Variants in ATP8B1 observed in about 807,000 individuals in gnomAD.
ATP8B1 encodes the protein phospholipid-transporting ATPase IC.
Under a neutral mutation model 149.9 loss-of-function variants are expected in ATP8B1, and 80 were observed. The ratio of observed to expected loss-of-function variants is 0.53; its 90% CI spans 0.45 to 0.64. The LOEUF (loss-of-function observed/expected upper bound fraction) is 0.64, where lower values mean the gene tolerates loss of function less well. ATP8B1 is among the 30% of genes least tolerant of loss of function. The pLI is 0.00. For synonymous variants in ATP8B1, 536 were observed against 562.8 expected, an observed-to-expected ratio of 0.95 and a Z score of 0.67; for missense variants, 1,247 against 1,552.6, an observed-to-expected ratio of 0.80 and a Z score of 3.31.
At chr18:57,670,242 A>T (rs1349651884) in intron 17 of ATP8B1, among the ~76,000 whole-genome samples, 1 of 152,200 alleles carries the variant, frequency 6.6e-6, no homozygotes, top group Non-Finnish European at 1.5e-5. Context: ...CCAATTCTAA[A>T]ATACACAAGC....
chr18:57,675,385 C>A (rs2122754457), intron 15 of ATP8B1, among the ~76,000 whole-genome samples: 1 of 152,264 alleles, frequency 6.6e-6, no homozygotes, highest in Middle Eastern at 3.4e-3. Flanking sequence ...CATTTACATC[C>A]TGATTATTTT....
rs761784230 is a variant in ATP8B1 at position 57,697,807 on chromosome 18, AT to A, written c.614del (p.Asn205MetfsTer33). ...QVGDVIRLKK[N>X]DFVPADILLL... ...TTTGTTCACTTACTGGAACAAAATC[AT>A]TTTTTTTCAGACGAATGACGTCTCC... is the stretch of plus-strand genomic sequence containing the variant. On this transcript the variant is annotated frameshift_variant, in exon 7 of 28. Coordinates refer to ENST00000648908, the MANE Select transcript of ATP8B1 (RefSeq NM_001374385.1). LOFTEE classifies it high-confidence loss of function. The A allele has an allele frequency of 6.2e-7, 1 of 1,613,506 alleles. No homozygotes were observed. Among genetic ancestry groups the A allele is most frequent in the Non-Finnish European group, 8.5e-7 (1 of 1,179,630 alleles).
In ATP8B1 at chr18:57,789,296, G is replaced by A. The variant is rs915557673; in HGVS notation, c.-26+13702C>T. ...CATTTGGATCGATTTTCCAACCTTC[G>A]GCTGTGAGGTCTCGGAAAGAACCCT... On this transcript the variant is annotated intron_variant, in intron 1 of 27. Transcript: ENST00000648908. Among the ~76,000 whole-genome samples, 9 of 152,126 alleles carry A rather than the reference G, an allele frequency of 5.9e-5. 1 individual carries two copies. Among genetic ancestry groups the A allele is most frequent in the Admixed American group, 1.3e-4 (2 of 15,270 alleles).
At position 57,784,359 on chromosome 18, in the gene ATP8B1, AGT is replaced by A. The variant is rs2080386849; in HGVS notation, c.-26+18637_-26+18638del. Among the ~76,000 whole-genome samples, 1 of 152,182 alleles carries A rather than the reference AGT, an allele frequency of 6.6e-6. No homozygotes were observed. The highest frequency in any genetic ancestry group is 2.1e-4 in the South Asian group (1 of 4,828). Reference sequence around the variant, plus strand: ...TCTGGTTTGGAAGGGGCAGGGTAGAAGTGTAGCCCTCATGTAAGAAGGCTACT... The same window carrying A: ...TCTGGTTTGGAAGGGGCAGGGTAGAAGTAGCCCTCATGTAAGAAGGCTACT... On this transcript the variant is annotated intron_variant, in intron 1 of 27. Coordinates refer to ENST00000648908, the MANE Select transcript of ATP8B1 (RefSeq NM_001374385.1). This position sits in a 1 kb window ranked among gnomAD's most constrained non-coding sequence, Gnocchi z 4.4.
At chr18:57,788,765 A>C (rs2080434052) in intron 1 of ATP8B1, among the ~76,000 whole-genome samples, 1 of 152,168 alleles carries the variant, frequency 6.6e-6, no homozygotes, top group African/African-American at 2.4e-5. Context: ...AGTGCTTTAA[A>C]AATGTAAAGA....
chr18:57,648,673 A>T lies in ATP8B1; in HGVS notation c.3571T>A (p.Trp1191Arg). 1 of 1,570,234 alleles carries T rather than the reference A, an allele frequency of 6.4e-7. No homozygotes were observed. Among genetic ancestry groups the T allele is most frequent in the Non-Finnish European group, 8.6e-7 (1 of 1,158,712 alleles). The change falls in exon 28 of 28, where the codon TGG becomes AGG. Residue 1191 changes from tryptophan to arginine, a missense_variant. Trp to Arg is a moderately radical substitution (Grantham distance 101). Coordinates refer to ENST00000648908, the MANE Select transcript of ATP8B1 (RefSeq NM_001374385.1). ...CGGAACACCTGCTGCCGTCGCTGCC[A>T]CTGCTCCTCCGCCTTCAACCGCTTG... Reference protein sequence around the residue: ...HRKRLKAEEQWQRRQQVFRRG... With the variant: ...HRKRLKAEEQRQRRQQVFRRG...
At chr18:57,650,099 A>G (rs1158502610) in intron 27 of ATP8B1, among the ~76,000 whole-genome samples, 2 of 152,222 alleles carry the variant, frequency 1.3e-5, no homozygotes, top group Non-Finnish European at 2.9e-5. Flanking sequence ...TTAATACTGT[A>G]ATTGTTAAAC....
chr18:57,792,345 G>T (rs1166544794), intron 1 of ATP8B1, among the ~76,000 whole-genome samples: 1 of 151,586 alleles, frequency 6.6e-6, no homozygotes, highest in Non-Finnish European at 1.5e-5. Context: ...ACAGGGTCTT[G>T]CCACGTTGCC....
chr18:57,665,219 CA>C (rs1465437551), intron 20 of ATP8B1, among the ~76,000 whole-genome samples: 2 of 128,928 alleles, frequency 1.6e-5, no homozygotes, highest in Non-Finnish European at 3.3e-5. Flanking sequence ...TAAGACAAAT[CA>C]TTGAAAGGCC....
chr18:57,709,803 C>T (rs961876618), intron 2 of ATP8B1, among the ~76,000 whole-genome samples: 1 of 151,276 alleles, frequency 6.6e-6, no homozygotes, highest in Admixed American at 6.6e-5. Flanking sequence ...TCTCAGCCTC[C>T]CGAGTAGCTG....
At chr18:57,703,802 TA>T (rs1186745415) in intron 4 of ATP8B1, among the ~76,000 whole-genome samples, 1 of 152,128 alleles carries the variant, frequency 6.6e-6, no homozygotes, top group East Asian at 1.9e-4. Flanking sequence ...TTTTAAAATG[TA>T]AAAACAGTTC....
intron 1 of ATP8B1, among the ~76,000 whole-genome samples, chr18:57,788,243 T>C (rs979214738): frequency 2.0e-5 from 3 of 151,866 alleles, no homozygotes; most frequent in African/African-American, 7.3e-5. Flanking sequence ...ATCAGGTCCA[T>C]CATTTGAAGC....
At position 57,650,466 on chromosome 18, in the gene ATP8B1, G is replaced by A. The variant is rs767185371; in HGVS notation, c.3432C>T (p.Tyr1144=). The change falls in exon 27 of 28, where the codon TAC becomes TAT. Residue 1144 remains tyrosine, a synonymous_variant. Coordinates refer to ENST00000648908, the MANE Select transcript of ATP8B1 (RefSeq NM_001374385.1). ...GTASNALRQP[Y]IWLTIILAVA... ...CAGCCAGGATGATAGTTAACCAAAT[G>A]TATGGCTGTCTCAGAGCGTTTGAAG... The A allele has an allele frequency of 1.5e-5, 25 of 1,613,734 alleles. No individual in the cohort carries two copies. Among genetic ancestry groups the A allele is most frequent in the Non-Finnish European group, 2.1e-5 (25 of 1,179,822 alleles).
chr18:57,780,895 G>A (rs1290128571), intron 1 of ATP8B1, among the ~76,000 whole-genome samples: 1 of 152,108 alleles, frequency 6.6e-6, no homozygotes, highest in East Asian at 1.9e-4. Context: ...GTCCAGCCTC[G>A]ATAGCCACTT....
At chr18:57,782,803 CTTTTTTTTTTT>C (rs79009229) in intron 1 of ATP8B1, among the ~76,000 whole-genome samples, 32,827 of 91,630 alleles carry the variant, frequency 0.36, 5,291 homozygotes, top group Middle Eastern at 0.53. Context: ...TAGTTTGTCT[CTTTTTTTTTTT>C]TTTTTTTTTT....
chr18:57,762,142 T>TA (rs112357299), intron 1 of ATP8B1, among the ~76,000 whole-genome samples: 33,233 of 78,098 alleles, frequency 0.43, 4,472 homozygotes, highest in Middle Eastern at 0.48. Flanking sequence ...TATATATATA[T>TA]TTTTTTTTTC....
At chr18:57,664,990 T>G (rs1910765326) in intron 20 of ATP8B1, among the ~76,000 whole-genome samples, 1 of 152,122 alleles carries the variant, frequency 6.6e-6, no homozygotes, top group Non-Finnish European at 1.5e-5. Flanking sequence ...GGCCATCCCT[T>G]GCACTGGAGG....
chr18:57,770,021 C>A (rs1317508908), intron 1 of ATP8B1, among the ~76,000 whole-genome samples: 1 of 151,682 alleles, frequency 6.6e-6, no homozygotes, highest in Non-Finnish European at 1.5e-5. Context: ...CCAGCCAGCC[C>A]AGCATCCTGC....
chr18:57,665,231 G>GT (rs11454484), intron 20 of ATP8B1, among the ~76,000 whole-genome samples: 60,458 of 151,484 alleles, frequency 0.4, 12,442 homozygotes, highest in East Asian at 0.66. Flanking sequence ...TTGAAAGGCC[G>GT]TAAGAGAAAA....
Sources: gnomAD v4.1 joint callset for allele counts (sites outside exome capture counted in the v4.1 genomes callset) on GRCh38, gnomAD v4.1.1 for gene constraint, Gnocchi (gnomAD v3.1) non-coding constraint, MANE v1.5 for transcripts, NCBI Gene and HGNC (gene_info 2026-07-23, HGNC 2026-07-21) for gene names.